Variants in MEF2C observed in about 807,000 individuals in gnomAD.
MEF2C encodes myocyte enhancer factor 2C.
In MEF2C, 6 loss-of-function variants were observed where a neutral mutation model predicts 50.5. The observed-to-expected ratio is 0.12, with a 90% CI of 0.07 to 0.23. The LOEUF (loss-of-function observed/expected upper bound fraction) is 0.23. MEF2C is among the 10% of genes least tolerant of loss of function. The pLI is 1.00. For missense variants in MEF2C, 276 were observed against 605.0 expected (o/e 0.46, Z 5.70); for synonymous variants, 183 against 228.0 (o/e 0.80, Z 1.78).
At chr5:88,801,718 C>T (rs1418355855) in intron 3 of MEF2C, among the ~76,000 whole-genome samples, 1 of 152,110 alleles carries the variant, frequency 6.6e-6, no homozygotes. Context: ...GATCTCCTGA[C>T]CTCATGATGC....
In MEF2C at chr5:88,728,549, A is replaced by T; in HGVS notation, c.1044T>A (p.Thr348=). The change falls in exon 10 of 11, where the codon ACT becomes ACA. Residue 348 remains threonine, a synonymous_variant. Coordinates refer to ENST00000504921, the MANE Select transcript of MEF2C (RefSeq NM_002397.5). ...TATGTAGGTGTTGCTGTTGCCAGCC[A>T]GTTACTGAACCAAGGTGAAGAGCGC... The part of the protein sequence containing the change: ...TASALHLGSV[T]GWQQQHLHNM... 1 of 1,536,760 alleles carries T rather than the reference A, an allele frequency of 6.5e-7. No individual in the cohort carries two copies. Among genetic ancestry groups the T allele is most frequent in the Non-Finnish European group, 8.8e-7 (1 of 1,138,430 alleles).
At chr5:88,801,432 CAA>C (rs1348809821) in intron 3 of MEF2C, among the ~76,000 whole-genome samples, 9 of 151,836 alleles carry the variant, frequency 5.9e-5, no homozygotes, top group African/African-American at 2.2e-4. Context: ...GCCTCCAGCA[CAA>C]TTTATGTACT....
intron 1 of MEF2C, among the ~76,000 whole-genome samples, chr5:88,833,539 A>G (rs1392566890): frequency 6.6e-6 from 1 of 152,180 alleles, no homozygotes; most frequent in African/African-American, 2.4e-5. Context: ...TGGTTTGAGG[A>G]GCCAGCAGGG....
upstream of MEF2C, chr5:88,884,645 C>T (rs1433738311): frequency 3.0e-5 from 4 of 133,776 alleles, no homozygotes; most frequent in Admixed American, 1.7e-4. Flanking sequence ...AACATGTAAA[C>T]CAAACCAACT....
chr5:88,813,173 C>T (rs139805373), intron 2 of MEF2C, among the ~76,000 whole-genome samples: 1 of 152,194 alleles, frequency 6.6e-6, no homozygotes, highest in East Asian at 1.9e-4. Context: ...CTGAGAACCA[C>T]ATGCATGCAC....
At chr5:88,767,865 C>G (rs982879603) in intron 3 of MEF2C, among the ~76,000 whole-genome samples, 16 of 152,168 alleles carry the variant, frequency 1.1e-4, no homozygotes, top group African/African-American at 3.9e-4. Context: ...CATAAACATT[C>G]AAATGGTGCT....
chr5:88,877,015 TCACTGCTTGAGGACTTG>T (rs1020626570), intron 1 of MEF2C, among the ~76,000 whole-genome samples: 4 of 152,150 alleles, frequency 2.6e-5, no homozygotes, highest in Admixed American at 1.3e-4. Context: ...TTAATTTAAA[TCACTGCTTGAGGACTTG>T]CACTGTCATT....
intron 4 of MEF2C, among the ~76,000 whole-genome samples, chr5:88,756,213 T>G (rs1775217594): frequency 6.6e-6 from 1 of 152,218 alleles, no homozygotes; most frequent in South Asian, 2.1e-4. Flanking sequence ...ATGGATATAT[T>G]GCATACTGGT....
intron 3 of MEF2C, among the ~76,000 whole-genome samples, chr5:88,776,349 G>A (rs1161175434): frequency 3.3e-5 from 5 of 152,066 alleles, no homozygotes; most frequent in Non-Finnish European, 7.4e-5. Flanking sequence ...TTTATGGTGA[G>A]ACATTTGAAA....
intron 1 of MEF2C, among the ~76,000 whole-genome samples, chr5:88,852,497 A>C (rs1021858131): frequency 6.6e-6 from 1 of 152,174 alleles, no homozygotes; most frequent in Non-Finnish European, 1.5e-5. Flanking sequence ...CAACAATAAA[A>C]CTTTCCTTAA....
intron 1 of MEF2C, among the ~76,000 whole-genome samples, chr5:88,875,517 T>C (rs1176962612): frequency 2.0e-5 from 3 of 151,814 alleles, no homozygotes; most frequent in African/African-American, 7.3e-5. Context: ...AAAGTACAGA[T>C]ATCTGATTGG....
intron 1 of MEF2C, among the ~76,000 whole-genome samples, chr5:88,843,913 G>A (rs1310271825): frequency 4.6e-5 from 7 of 151,370 alleles, no homozygotes; most frequent in African/African-American, 1.2e-4. Flanking sequence ...GGGTTCAAGC[G>A]ATTCTCCTGC....
intron 2 of MEF2C, among the ~76,000 whole-genome samples, chr5:88,815,928 A>G (rs1296921025): frequency 6.6e-6 from 1 of 152,052 alleles, no homozygotes; most frequent in Non-Finnish European, 1.5e-5. Context: ...GCTAAAGGTG[A>G]CTTGTAGCAG....
chr5:88,791,983 A>G (rs1793972794), intron 3 of MEF2C, among the ~76,000 whole-genome samples: 1 of 152,086 alleles, frequency 6.6e-6, no homozygotes, highest in Admixed American at 6.6e-5. Context: ...TGCTTGGCTT[A>G]ACAGAGGGGA....
chr5:88,748,860 A>G (rs1270362748), intron 6 of MEF2C: 1 of 985,324 alleles, frequency 1.0e-6, no homozygotes, highest in African/African-American at 1.7e-5. Context: ...AGCTTTATTA[A>G]GGAAGGTTCT....
At chr5:88,897,815 G>A (rs1371224120) in intron 1 of MEF2C, among the ~76,000 whole-genome samples, 1 of 152,126 alleles carries the variant, frequency 6.6e-6, no homozygotes, top group Non-Finnish European at 1.5e-5. Context: ...TCCTGTTACT[G>A]TAGAGCAGGA....
chr5:88,801,738 G>T (rs1209326623), intron 3 of MEF2C, among the ~76,000 whole-genome samples: 3 of 151,968 alleles, frequency 2.0e-5, no homozygotes, highest in Admixed American at 6.6e-5. Flanking sequence ...CGCCTGCCTT[G>T]GCCTCCCAAA....
At chr5:88,795,305 CCT>C (rs1225538510) in intron 3 of MEF2C, among the ~76,000 whole-genome samples, 3 of 152,170 alleles carry the variant, frequency 2.0e-5, no homozygotes, top group Non-Finnish European at 4.4e-5. Flanking sequence ...TTGTTTGTGT[CCT>C]CTCTTATTTC....
intron 5 of MEF2C, chr5:88,749,472 C>A (rs548026435): frequency 9.1e-6 from 9 of 984,934 alleles, no homozygotes; most frequent in Non-Finnish European, 1.1e-5. Context: ...GATGACCTCA[C>A]ATTTGATGTT....
Sources: allele counts gnomAD v4.1 joint callset (sites outside exome capture counted in the v4.1 genomes callset), GRCh38; gene constraint gnomAD v4.1.1; transcripts MANE v1.5; gene names NCBI Gene and HGNC (gene_info 2026-07-23, HGNC 2026-07-21).